Variants in DLG2 observed in about 807,000 individuals in gnomAD.
DLG2 encodes the protein disks large homolog 2.
A neutral mutation model predicts 132.5 loss-of-function variants in DLG2; 45 were observed. The observed-to-expected ratio is 0.34, with a 90% CI of 0.27 to 0.44. DLG2 has a LOEUF of 0.44. Among genes scored for constraint, DLG2 ranks in the 20% least tolerant of loss-of-function variants. DLG2 has a pLI of 1.00. For synonymous variants in DLG2, 424 were observed against 419.6 expected (o/e 1.01, Z -0.13); for missense variants, 1,045 against 1,196.9 (o/e 0.87, Z 1.87).
At chr11:84,427,861 C>A (rs1254136275) in intron 7 of DLG2, among the ~76,000 whole-genome samples, 1 of 152,134 alleles carries the variant, frequency 6.6e-6, no homozygotes, top group Admixed American at 6.6e-5. Flanking sequence ...TGCTGCAAAC[C>A]CTGGTGAAAA....
chr11:84,259,933 T>C (rs909990743), intron 7 of DLG2, among the ~76,000 whole-genome samples: 8 of 152,176 alleles, frequency 5.3e-5, no homozygotes, highest in African/African-American at 1.7e-4. Context: ...CTATTAAGAT[T>C]TGATAAGTAA....
intron 18 of DLG2, among the ~76,000 whole-genome samples, chr11:83,704,396 T>C (rs771285379): frequency 1.3e-5 from 2 of 152,206 alleles, no homozygotes; most frequent in East Asian, 1.9e-4. Context: ...CTCTGGATAG[T>C]AGAAATTATT....
At chr11:85,215,413 G>A (rs902885155) in intron 4 of DLG2, among the ~76,000 whole-genome samples, 1 of 152,168 alleles carries the variant, frequency 6.6e-6, no homozygotes, top group African/African-American at 2.4e-5. Context: ...AACACATTCT[G>A]TGTGCTGAAG....
At chr11:84,709,105 G>A (rs538356292) in intron 6 of DLG2, among the ~76,000 whole-genome samples, 1 of 152,004 alleles carries the variant, frequency 6.6e-6, no homozygotes, top group African/African-American at 2.4e-5. Flanking sequence ...TCTGAAGTGA[G>A]ATAATGGGGA....
intron 9 of DLG2, among the ~76,000 whole-genome samples, chr11:84,142,099 C>T (rs1260843224): frequency 6.6e-6 from 1 of 151,822 alleles, no homozygotes; most frequent in African/African-American, 2.4e-5. Context: ...GTCAAGAGAT[C>T]GAGACCATCC....
intron 18 of DLG2, among the ~76,000 whole-genome samples, chr11:83,705,739 G>T (rs778033104): frequency 5.4e-4 from 82 of 152,092 alleles, no homozygotes; most frequent in Non-Finnish European, 9.3e-4. Flanking sequence ...TTTAAAATAT[G>T]CCATAAAAGA....
intron 7 of DLG2, among the ~76,000 whole-genome samples, chr11:84,263,258 T>C (rs2097570467): frequency 6.6e-6 from 1 of 152,172 alleles, no homozygotes. Context: ...TAACTTTTCA[T>C]TCTGGGAAAT....
chr11:84,800,316 G>A (rs1364360877), intron 6 of DLG2, among the ~76,000 whole-genome samples: 1 of 152,070 alleles, frequency 6.6e-6, no homozygotes, highest in Admixed American at 6.5e-5. Context: ...TACACAGCAT[G>A]CATGTAAAAA....
intron 17 of DLG2, chr11:83,790,876 C>T: frequency 4.0e-6 from 3 of 751,130 alleles, no homozygotes; most frequent in Non-Finnish European, 7.1e-6. Context: ...CTTGATCCTT[C>T]CAAAGGACAC....
chr11:85,026,128 T>C (rs994465600), intron 6 of DLG2, among the ~76,000 whole-genome samples: 2 of 151,898 alleles, frequency 1.3e-5, no homozygotes, highest in African/African-American at 4.8e-5. Context: ...TATTTGAACA[T>C]AAGAAAGTTA....
intron 6 of DLG2, among the ~76,000 whole-genome samples, chr11:84,628,992 G>A (rs940565150): frequency 2.6e-5 from 4 of 152,120 alleles, no homozygotes; most frequent in African/African-American, 9.7e-5. Context: ...CATTTGTCTA[G>A]AACAGCCCCC....
chr11:83,577,586 A>ATATATATATATC (rs1315103866), intron 19 of DLG2, among the ~76,000 whole-genome samples: 16 of 118,872 alleles, frequency 1.3e-4, no homozygotes, highest in East Asian at 2.3e-4. Context: ...ATATATATAT[A>ATATATATATATC]TCCTATTTAT....
intron 9 of DLG2, among the ~76,000 whole-genome samples, chr11:84,155,324 C>T (rs1047287593): frequency 1.8e-4 from 28 of 152,124 alleles, no homozygotes; most frequent in Admixed American, 5.9e-4. Context: ...CCAGTTTCCC[C>T]CCTCTTCTAC....
Position 84,629,897 on chromosome 11 carries a change from C to T in DLG2, c.358-95166G>A, listed in dbSNP as rs190237930. The stretch of plus-strand genomic sequence containing the variant: ...GGAAAATGGAGAATAAGTTCCTCTA[C>T]TTTTTTCTCATAATTTTTACAAGAG... On this transcript the variant is annotated intron_variant, in intron 6 of 27. Coordinates refer to ENST00000376104, the MANE Select transcript of DLG2 (RefSeq NM_001142699.3). Among the ~76,000 whole-genome samples, 38 of 152,210 alleles carry T rather than the reference C, an allele frequency of 2.5e-4. No homozygotes were observed. In the East Asian group the frequency reaches 7.1e-3, roughly 29 times the overall value.
chr11:85,068,337 A>ATTAGGAAAAGATGAAG (rs1446966576), intron 6 of DLG2, among the ~76,000 whole-genome samples: 2 of 152,112 alleles, frequency 1.3e-5, no homozygotes, highest in African/African-American at 4.8e-5. Context: ...AGGGTATTCA[A>ATTAGGAAAAGATGAAG]TTAGGAAAAG....
chr11:84,488,908 T>C (rs979115577), intron 7 of DLG2, among the ~76,000 whole-genome samples: 4 of 152,216 alleles, frequency 2.6e-5, no homozygotes, highest in Non-Finnish European at 5.9e-5. Context: ...CATAAAGATG[T>C]GCTGCCTCTC....
chr11:84,736,705 GAAATAC>G (rs2063877846), intron 6 of DLG2, among the ~76,000 whole-genome samples: 1 of 151,734 alleles, frequency 6.6e-6, no homozygotes, highest in Non-Finnish European at 1.5e-5. Context: ...TTAGTACGTA[GAAATAC>G]AAATACAAAG....
intron 11 of DLG2, among the ~76,000 whole-genome samples, chr11:83,991,120 G>C (rs1280890728): frequency 1.3e-5 from 2 of 152,190 alleles, no homozygotes; most frequent in South Asian, 2.1e-4. Context: ...ATTTGAGAGA[G>C]TAGTTAATCA....
chr11:84,010,789 ATT>A, intron 11 of DLG2, among the ~76,000 whole-genome samples: 1 of 151,986 alleles, frequency 6.6e-6, no homozygotes, highest in South Asian at 2.1e-4. Context: ...ACACTTGAGC[ATT>A]ATTATCATTA....
Sources: allele counts gnomAD v4.1 joint callset (sites outside exome capture counted in the v4.1 genomes callset), GRCh38; gene constraint gnomAD v4.1.1; transcripts MANE v1.5; gene names NCBI Gene and HGNC (gene_info 2026-07-23, HGNC 2026-07-21).